The following VPS50 variants were observed in gnomAD, a reference collection of about 807,000 sequenced individuals.
VPS50 encodes VPS50 subunit of EARP/GARPII complex.
Under a neutral mutation model 139.7 loss-of-function variants are expected in VPS50, and 70 were observed. The observed-to-expected ratio is 0.50, with a 90% CI of 0.41 to 0.61. The LOEUF (loss-of-function observed/expected upper bound fraction) is 0.61, where lower values mean the gene tolerates loss of function less well. Ranked by LOEUF, VPS50 falls within the 20% of genes least tolerant of loss-of-function variation. The pLI is 0.00. For missense variants in VPS50, 921 were observed against 1,133.7 expected, an observed-to-expected ratio of 0.81 and a Z score of 2.69; for synonymous variants, 365 against 376.7, an observed-to-expected ratio of 0.97 and a Z score of 0.36.
intron 26 of VPS50, 31 bp downstream of exon 26, chr7:93,353,792 C>A: frequency 1.3e-6 from 2 of 1,535,926 alleles, no homozygotes; most frequent in South Asian, 1.2e-5. Flanking sequence ...TTATTTGTTT[C>A]TTTAATGACA....
At chr7:93,276,337 C>A in intron 12 of VPS50, 32 bp downstream of exon 12, 1 of 1,572,240 alleles carries the variant, frequency 6.4e-7, no homozygotes. Flanking sequence ...ATTCATATAT[C>A]TCTCCTTTAG....
Position 93,358,444 on chromosome 7 carries a change from A to C in VPS50, c.*8A>C. 6.2e-7 allele frequency: 1 copy of C among 1,609,796 alleles called. No homozygotes were observed. Among genetic ancestry groups the C allele is most frequent in the Non-Finnish European group, 8.5e-7 (1 of 1,176,912 alleles). On this transcript the variant is annotated 3_prime_UTR_variant, in exon 28 of 28. Coordinates refer to ENST00000305866, the MANE Select transcript of VPS50 (RefSeq NM_017667.4). The stretch of plus-strand genomic sequence containing the variant: ...GACAGACCTAAAAGATAATGAACAC[A>C]GCTCTCTTTCCTCAATGGCATTGAT...
At chr7:93,244,960 T>A (rs866880560) in intron 2 of VPS50, among the ~76,000 whole-genome samples, 6 of 151,850 alleles carry the variant, frequency 4.0e-5, no homozygotes, top group South Asian at 2.1e-4. Context: ...TCATATAAGT[T>A]CATTCATACA....
rs554715546 is a variant in VPS50, at chr7:93,268,253, G to C, written c.660-2967G>C. Reference sequence around the variant, plus strand: ...GATGTTGTACAATGTTTGGTTGATGGTGTTTGTCAAATAAATGGATAGATT... The same window carrying C: ...GATGTTGTACAATGTTTGGTTGATGCTGTTTGTCAAATAAATGGATAGATT... On this transcript the variant is annotated intron_variant, in intron 9 of 27. Transcript: ENST00000305866. Among the ~76,000 whole-genome samples, 52 of 152,274 alleles carry C rather than the reference G, an allele frequency of 3.4e-4. 1 individual carries two copies. Among genetic ancestry groups the C allele is most frequent in the African/African-American group, 1.2e-3 (50 of 41,562 alleles).
chr7:93,330,703 G>A (rs1204939794), intron 21 of VPS50, among the ~76,000 whole-genome samples: 1 of 136,626 alleles, frequency 7.3e-6, no homozygotes, highest in East Asian at 2.3e-4. Flanking sequence ...GCAGTGAGCT[G>A]TGATTGCGCC....
chr7:93,248,077 T>C (rs1372084700), intron 2 of VPS50, among the ~76,000 whole-genome samples: 1 of 151,976 alleles, frequency 6.6e-6, no homozygotes, highest in Non-Finnish European at 1.5e-5. Flanking sequence ...ATATCACTAT[T>C]AATGATACTA....
intron 21 of VPS50, 69 bp downstream of exon 21, chr7:93,323,801 A>G: frequency 1.3e-6 from 1 of 796,816 alleles, no homozygotes; most frequent in Non-Finnish European, 1.8e-6. Flanking sequence ...AAAGTTTTTC[A>G]TTCTCTCTAT....
rs1257913731 is a variant in VPS50 at position 93,360,137 on chromosome 7, G to T, written c.*1701G>T. 2 of 152,048 alleles carry T rather than the reference G, an allele frequency of 1.3e-5. No homozygotes were observed. Among genetic ancestry groups the T allele is most frequent in the East Asian group, 1.9e-4 (1 of 5,182 alleles). The allele number at this position is 152,048 out of a possible 1,614,324, so 9.4% of individuals were successfully genotyped here. On this transcript the variant is annotated 3_prime_UTR_variant, in exon 28 of 28. Transcript: ENST00000305866. ...AATCAATCTTTTAAAATTTGCAGTT[G>T]ATGAAGAGCTGCTTATTTTTCTCTT...
At chr7:93,341,394 T>G in intron 22 of VPS50, 33 bp from the exon 23 acceptor site, 1 of 1,512,566 alleles carries the variant, frequency 6.6e-7, no homozygotes. Flanking sequence ...GTTAGATTTG[T>G]TATTCCAGGT....
At chr7:93,309,157 A>ATAGT (rs2116983937) in intron 19 of VPS50, among the ~76,000 whole-genome samples, 1 of 152,136 alleles carries the variant, frequency 6.6e-6, no homozygotes, top group South Asian at 2.1e-4. Flanking sequence ...GAAAACTAAA[A>ATAGT]TAGTTATATG....
intron 13 of VPS50, among the ~76,000 whole-genome samples, chr7:93,292,383 G>C (rs1030635120): frequency 6.6e-6 from 1 of 151,896 alleles, no homozygotes; most frequent in African/African-American, 2.4e-5. Flanking sequence ...AAATAATAAA[G>C]AATACGTCTT....
rs558021986 is a variant in VPS50 at position 93,232,694 on chromosome 7, A to G, written c.33+194A>G. Among the ~76,000 whole-genome samples, 4 of 152,236 alleles carry G rather than the reference A, an allele frequency of 2.6e-5. 1 individual carries two copies. Among genetic ancestry groups the G allele is most frequent in the African/African-American group, 9.6e-5 (4 of 41,552 alleles). ...GGGTTGGAGCACTGCTCCAGCGGGT[A>G]CCAGCCTCCCAGAAATATTCGTTTA... On this transcript the variant is annotated intron_variant, in intron 1 of 27. Coordinates refer to ENST00000305866, the MANE Select transcript of VPS50 (RefSeq NM_017667.4).
At position 93,276,248 on chromosome 7, in the gene VPS50, A is replaced by T; in HGVS notation, c.885A>T (p.Leu295=). ...VFQVVLGYVE[L]CAGNTDTKFQ... ...AAGTTGTTCTTGGTTATGTGGAACT[A>T]TGTGCAGGAAACACAGACACAAAAT... Residue 295 remains leucine (L), a synonymous_variant, in exon 12 of 28, where the codon CTA becomes CTT. Coordinates refer to ENST00000305866, the MANE Select transcript of VPS50 (RefSeq NM_017667.4). The T allele has an allele frequency of 6.2e-7, 1 of 1,613,712 alleles. No homozygotes were observed. The highest frequency in any genetic ancestry group is 8.5e-7 in the Non-Finnish European group (1 of 1,179,730).
At chr7:93,240,249 A>ACACACACT (rs1412054767) in intron 2 of VPS50, among the ~76,000 whole-genome samples, 2 of 109,378 alleles carry the variant, frequency 1.8e-5, no homozygotes, top group African/African-American at 8.1e-5. Context: ...ACACACACAC[A>ACACACACT]CTCTCTCTCT....
At chr7:93,345,014 C>T (rs1798347084) in intron 23 of VPS50, among the ~76,000 whole-genome samples, 6 of 152,052 alleles carry the variant, frequency 3.9e-5, no homozygotes, top group Admixed American at 3.3e-4. Context: ...CACAAAAAAC[C>T]CTTCACAAAA....
At chr7:93,337,502 C>T (rs1798098999) in intron 22 of VPS50, among the ~76,000 whole-genome samples, 1 of 152,106 alleles carries the variant, frequency 6.6e-6, no homozygotes, top group Admixed American at 6.5e-5. Context: ...TTCAAAGAAA[C>T]TTTTAGTTTT....
At position 93,355,934 on chromosome 7, in the gene VPS50, A is replaced by T; in HGVS notation, c.2629A>T (p.Met877Leu). ...KKCSNEGRAL[M>L]QLDFQQFLMK... ...ATGCAGTAATGAGGGTCGTGCCCTG[A>T]TGCAATTGGATTTTCAACAGTTTTT... is the stretch of plus-strand genomic sequence containing the variant. The change falls in exon 27 of 28, where the codon ATG becomes TTG. Residue 877 changes from methionine to leucine, a missense_variant. Physicochemically the swap from Met to Leu is conservative, Grantham distance 15. This residue lies in a region of VPS50 where 158 missense variants were observed against 156.3 expected (regional missense o/e 1.01). Coordinates refer to ENST00000305866, the MANE Select transcript of VPS50 (RefSeq NM_017667.4). 6.2e-7 allele frequency: 1 copy of T among 1,605,382 alleles called. No homozygotes were observed. The highest frequency in any genetic ancestry group is 8.5e-7 in the Non-Finnish European group (1 of 1,173,594).
intron 21 of VPS50, among the ~76,000 whole-genome samples, chr7:93,326,554 C>G (rs535618518): frequency 1.3e-5 from 2 of 151,064 alleles, no homozygotes; most frequent in East Asian, 1.9e-4. Context: ...AAAATCTGAA[C>G]TGAGCCATCT....
intron 20 of VPS50, among the ~76,000 whole-genome samples, chr7:93,314,334 A>G (rs752812455): frequency 9.2e-5 from 14 of 152,208 alleles, no homozygotes; most frequent in Non-Finnish European, 1.6e-4. Context: ...CAGAGCGTAA[A>G]CAAAAGAGTG....
Sources: gnomAD v4.1 joint callset for allele counts (sites outside exome capture counted in the v4.1 genomes callset) on GRCh38, gnomAD v4.1.1 for gene constraint, gnomAD v4.1.1 regional missense constraint, MANE v1.5 for transcripts, NCBI Gene and HGNC (gene_info 2026-07-23, HGNC 2026-07-21) for gene names.